The following TOPAZ1 variants were observed in gnomAD, a reference collection of about 807,000 sequenced individuals.
The protein encoded by TOPAZ1 is testis and ovary specific TOPAZ 1.
In TOPAZ1, 66 loss-of-function variants were observed where a neutral mutation model predicts 172.2. The observed-to-expected ratio is 0.38, with a 90% CI of 0.31 to 0.47. The LOEUF is 0.47. Among genes scored for constraint, TOPAZ1 ranks in the 20% least tolerant of loss-of-function variants. TOPAZ1 has a pLI of 0.99. For synonymous variants in TOPAZ1, 681 were observed against 683.9 expected (o/e 1.00, Z 0.07); for missense variants, 1,822 against 1,972.4 (o/e 0.92, Z 1.44).
At chr3:44,246,964 A>AC (rs1699574420) in intron 2 of TOPAZ1, among the ~76,000 whole-genome samples, 1 of 152,222 alleles carries the variant, frequency 6.6e-6, no homozygotes, top group South Asian at 2.1e-4. Flanking sequence ...CAAGATGTTG[A>AC]CAGTGAGCTA....
chr3:44,277,903 A>G (rs921678204), intron 8 of TOPAZ1, among the ~76,000 whole-genome samples: 9 of 152,208 alleles, frequency 5.9e-5, no homozygotes, highest in East Asian at 1.9e-4. Context: ...AGCTGAGCAG[A>G]TGCCAGCACC....
Position 44,256,350 on chromosome 3 carries a change from A to C in TOPAZ1, c.2955+72A>C, listed in dbSNP as rs571725372. ...TGGTAATGCATAAATCCATCTTAAC[A>C]GTGCTATCGGGTGGCAAGTGTAACT... On this transcript the variant is annotated intron_variant, in intron 4 of 19. Coordinates refer to ENST00000309765, the MANE Select transcript of TOPAZ1 (RefSeq NM_001145030.2). The C allele has an allele frequency of 2.6e-5, 36 of 1,407,542 alleles. No individual in the cohort carries two copies. In the African/African-American group the frequency reaches 4.5e-4, roughly 18 times the overall value. The allele number at this position is 1,407,542 out of a possible 1,614,324, so 87.2% of individuals were successfully genotyped here.
intron 18 of TOPAZ1, among the ~76,000 whole-genome samples, chr3:44,325,708 A>T (rs142145774): frequency 6.6e-6 from 1 of 151,678 alleles, no homozygotes. Flanking sequence ...CAGTGGCGCA[A>T]TCTCGGCTCA....
chr3:44,265,574 A>G (rs1435826973), intron 5 of TOPAZ1, among the ~76,000 whole-genome samples: 1 of 152,208 alleles, frequency 6.6e-6, no homozygotes, highest in Non-Finnish European at 1.5e-5. Flanking sequence ...AACACAGAAA[A>G]AAACCAAAAT....
intron 16 of TOPAZ1, among the ~76,000 whole-genome samples, chr3:44,316,936 T>A (rs771972460): frequency 2.6e-5 from 4 of 152,230 alleles, no homozygotes; most frequent in Non-Finnish European, 5.9e-5. Flanking sequence ...ACGATGCTCT[T>A]TTTATTTAAT....
intron 8 of TOPAZ1, among the ~76,000 whole-genome samples, chr3:44,271,341 A>G (rs1222514497): frequency 6.6e-6 from 1 of 152,164 alleles, no homozygotes; most frequent in African/African-American, 2.4e-5. Flanking sequence ...GCATATAGCC[A>G]TTCTGGTGGG....
intron 2 of TOPAZ1, among the ~76,000 whole-genome samples, chr3:44,250,153 T>C (rs1279655623): frequency 6.6e-6 from 1 of 151,894 alleles, no homozygotes; most frequent in Admixed American, 6.6e-5. Flanking sequence ...AGTAACTTAC[T>C]TTCTCAGAGT....
At chr3:44,286,509 A>G (rs1401532956) in intron 9 of TOPAZ1, among the ~76,000 whole-genome samples, 3 of 152,228 alleles carry the variant, frequency 2.0e-5, no homozygotes, top group South Asian at 2.1e-4. Context: ...TTGTTATACC[A>G]TATTATTAAA....
chr3:44,305,796 T>C (rs1320120704), intron 14 of TOPAZ1, among the ~76,000 whole-genome samples: 2 of 152,242 alleles, frequency 1.3e-5, no homozygotes, highest in African/African-American at 4.8e-5. Flanking sequence ...TCCTTCTCTT[T>C]CTGAATTTTT....
intron 12 of TOPAZ1, among the ~76,000 whole-genome samples, chr3:44,301,919 T>C (rs776751436): frequency 2.0e-5 from 3 of 152,198 alleles, no homozygotes; most frequent in Admixed American, 6.5e-5. Context: ...TTTTATTGCA[T>C]GTGGTTTTGA....
chr3:44,291,601 A>G (rs1019666659), intron 12 of TOPAZ1, among the ~76,000 whole-genome samples: 4 of 151,914 alleles, frequency 2.6e-5, no homozygotes, highest in African/African-American at 7.2e-5. Context: ...TCAAAAATAA[A>G]TAAATAAATA....
intron 9 of TOPAZ1, among the ~76,000 whole-genome samples, chr3:44,286,053 GC>G (rs542103318): frequency 1.4e-3 from 56 of 39,536 alleles, no homozygotes; most frequent in African/African-American, 8.4e-3. Flanking sequence ...TACTAAAAAT[GC>G]AAAAAAAAAA....
intron 1 of TOPAZ1, 25 bp from the exon 2 acceptor site, chr3:44,242,827 CT>C: frequency 6.9e-7 from 1 of 1,443,076 alleles, no homozygotes; most frequent in Non-Finnish European, 9.1e-7. Flanking sequence ...AAAATCTTTT[CT>C]GATATATTTT....
chr3:44,287,862 A>T, intron 11 of TOPAZ1, 23 bp downstream of exon 11: 1 of 1,174,738 alleles, frequency 8.5e-7, no homozygotes. Flanking sequence ...TTTCTCTTTT[A>T]TTCTCTGATG....
chr3:44,302,059 T>C (rs1700278040), intron 12 of TOPAZ1, among the ~76,000 whole-genome samples: 1 of 152,188 alleles, frequency 6.6e-6, no homozygotes, highest in South Asian at 2.1e-4. Flanking sequence ...TTATGTGAAA[T>C]GGATTCAGTT....
At chr3:44,282,457 A>G (rs1700033774) in intron 9 of TOPAZ1, among the ~76,000 whole-genome samples, 1 of 152,196 alleles carries the variant, frequency 6.6e-6, no homozygotes, top group Non-Finnish European at 1.5e-5. Context: ...TTCAAACTTC[A>G]AGGCTACTAT....
At position 44,243,115 on chromosome 3, in the gene TOPAZ1, C is replaced by T; in HGVS notation, c.609C>T (p.Tyr203=). ...AGGTTGAATTCCAAGATGAACTGTA[C>T]AAGAATACTCCAAAATATTCTTGTA... The part of the protein sequence containing the change: ...NIKVEFQDEL[Y]KNTPKYSCNI... The change falls in exon 2 of 20, where the codon TAC becomes TAT. Residue 203 remains tyrosine (Y), a synonymous_variant. Transcript: ENST00000309765. 6.5e-7 allele frequency: 1 copy of T among 1,550,006 alleles called. No homozygotes were observed. Among genetic ancestry groups the T allele is most frequent in the Non-Finnish European group, 8.7e-7 (1 of 1,146,184 alleles).
chr3:44,277,867 T>C (rs1466911579), intron 8 of TOPAZ1, among the ~76,000 whole-genome samples: 1 of 152,194 alleles, frequency 6.6e-6, no homozygotes, highest in Non-Finnish European at 1.5e-5. Flanking sequence ...CTGCCATGAT[T>C]GTAAACTTCC....
At chr3:44,255,499 A>G (rs1466507826) in intron 3 of TOPAZ1, among the ~76,000 whole-genome samples, 1 of 151,876 alleles carries the variant, frequency 6.6e-6, no homozygotes, top group Non-Finnish European at 1.5e-5. Flanking sequence ...AAAAGTACAA[A>G]AAATTAGCCG....
Sources: gnomAD v4.1 joint callset for allele counts (sites outside exome capture counted in the v4.1 genomes callset) on GRCh38, gnomAD v4.1.1 for gene constraint, MANE v1.5 for transcripts, NCBI Gene and HGNC (gene_info 2026-07-23, HGNC 2026-07-21) for gene names.